The following RBFOX1 variants were observed in gnomAD, a reference collection of about 807,000 sequenced individuals.
RBFOX1 encodes RNA binding protein fox-1 homolog 1.
Under a neutral mutation model 57.7 loss-of-function variants are expected in RBFOX1, and 8 were observed. The ratio of observed to expected loss-of-function variants is 0.14; its 90% CI spans 0.08 to 0.25. The LOEUF (loss-of-function observed/expected upper bound fraction) is 0.25, where lower values mean the gene tolerates loss of function less well. RBFOX1 is among the 10% of genes least tolerant of loss of function. The probability of loss-of-function intolerance (pLI) is 1.00; values close to 1 mark genes in which losing one functional copy is unlikely to be tolerated. For missense variants in RBFOX1, 611 were observed against 548.5 expected, an observed-to-expected ratio of 1.11 and a Z score of -1.14; for synonymous variants, 326 against 222.4, an observed-to-expected ratio of 1.47 and a Z score of -4.15.
At chr16:7,110,870 C>G (rs780294394) in intron 4 of RBFOX1, among the ~76,000 whole-genome samples, 1 of 152,118 alleles carries the variant, frequency 6.6e-6, no homozygotes, top group Non-Finnish European at 1.5e-5. Flanking sequence ...GTGTTCCCTC[C>G]CATCCCAGGG....
chr16:7,125,777 G>A (rs2169851), intron 4 of RBFOX1, among the ~76,000 whole-genome samples: 50,178 of 151,790 alleles, frequency 0.33, 8,939 homozygotes, highest in African/African-American at 0.48. Flanking sequence ...GACTGCAAAC[G>A]ATTAAGGTTT....
chr16:5,676,444 C>G (rs1472868911), intron 3 of RBFOX1, among the ~76,000 whole-genome samples: 2 of 152,170 alleles, frequency 1.3e-5, no homozygotes, highest in East Asian at 3.8e-4. Flanking sequence ...TCTCACATCT[C>G]CCTCTCACTA....
intron 4 of RBFOX1, among the ~76,000 whole-genome samples, chr16:7,080,877 A>G (rs534164361): frequency 6.6e-6 from 1 of 152,274 alleles, no homozygotes; most frequent in African/African-American, 2.4e-5. Context: ...GGAGCCTTTG[A>G]AATAAGTCAT....
chr16:5,316,116 C>A (rs568925503), intron 1 of RBFOX1, among the ~76,000 whole-genome samples: 121 of 152,350 alleles, frequency 7.9e-4, no homozygotes, highest in African/African-American at 2.7e-3. Context: ...TGCCACAGGG[C>A]CTTTGCATGT....
intron 2 of RBFOX1, among the ~76,000 whole-genome samples, chr16:6,534,909 G>A (rs935229240): frequency 1.4e-4 from 21 of 152,172 alleles, no homozygotes; most frequent in Admixed American, 5.2e-4. Context: ...TAGTGGTCAA[G>A]CCTGGTCATA....
At position 5,770,373 on chromosome 16, in the gene RBFOX1, T is replaced by A. The variant is rs183305150; in HGVS notation, c.319-96930T>A. 5.3e-5 allele frequency among the ~76,000 whole-genome samples: 8 copies of A among 152,310 alleles called. No homozygotes were observed. In the East Asian group the frequency reaches 1.5e-3, roughly 29 times the overall value. Reference sequence around the variant, plus strand: ...AGCCGTTCCCATCAGTGACATAAGTTTACAAATGCCATGGTAACACCTGGA... The same window carrying A: ...AGCCGTTCCCATCAGTGACATAAGTATACAAATGCCATGGTAACACCTGGA... On this transcript the variant is annotated intron_variant, in intron 3 of 19. Coordinates refer to the RBFOX1 transcript ENST00000641259.
intron 1 of RBFOX1, among the ~76,000 whole-genome samples, chr16:5,329,881 AGTGAT>A (rs1238728596): frequency 6.6e-6 from 1 of 151,456 alleles, no homozygotes; most frequent in South Asian, 2.1e-4. Flanking sequence ...AGGCACCTGT[AGTGAT>A]GTGATGTGAT....
chr16:5,511,503 A>C (rs1186856264), intron 2 of RBFOX1, among the ~76,000 whole-genome samples: 1 of 152,206 alleles, frequency 6.6e-6, no homozygotes, highest in Non-Finnish European at 1.5e-5. Context: ...GAAGAACAAC[A>C]CTAATCACTT....
At chr16:5,713,168 A>G (rs149636774) in intron 3 of RBFOX1, among the ~76,000 whole-genome samples, 2 of 152,330 alleles carry the variant, frequency 1.3e-5, no homozygotes, top group South Asian at 2.1e-4. Flanking sequence ...TGTTCTGTGT[A>G]ATCATACTGT....
intron 3 of RBFOX1, among the ~76,000 whole-genome samples, chr16:6,741,555 G>A (rs1158953386): frequency 6.6e-6 from 1 of 151,882 alleles, no homozygotes; most frequent in African/African-American, 2.4e-5. Context: ...TGTAATCCCA[G>A]CTACTTGGGA....
chr16:6,114,783 G>T (rs1041081673), intron 1 of RBFOX1, among the ~76,000 whole-genome samples: 2 of 152,114 alleles, frequency 1.3e-5, no homozygotes, highest in African/African-American at 4.8e-5. Flanking sequence ...AGGATTATTG[G>T]CTTCACCTGC....
intron 2 of RBFOX1, among the ~76,000 whole-genome samples, chr16:6,413,133 A>G (rs2093515789): frequency 6.6e-6 from 1 of 152,104 alleles, no homozygotes; most frequent in Non-Finnish European, 1.5e-5. Flanking sequence ...CAGCCTAACC[A>G]ACATGGAGAA....
intron 3 of RBFOX1, among the ~76,000 whole-genome samples, chr16:7,009,946 G>C (rs1282153770): frequency 6.6e-6 from 1 of 151,994 alleles, no homozygotes; most frequent in Admixed American, 6.6e-5. Flanking sequence ...TGGCTACAAG[G>C]AAAAAGGGTC....
chr16:7,056,626 G>A lies in RBFOX1; in HGVS notation c.27+4528G>A, dbSNP rs578236412. 4.3e-4 allele frequency among the ~76,000 whole-genome samples: 65 copies of A among 152,282 alleles called. No homozygotes were observed. The South Asian group carries it at 5.2e-3, about 12-fold the overall frequency. ...TGTTGTTTCCCTGAACTATCTACCA[G>A]TTGAGGGAGATTGTATGTTCATAGG... On this transcript the variant is annotated intron_variant, in intron 4 of 15. Transcript: ENST00000550418.
chr16:5,937,375 C>T (rs2059187846), intron 4 of RBFOX1, among the ~76,000 whole-genome samples: 1 of 152,118 alleles, frequency 6.6e-6, no homozygotes, highest in Non-Finnish European at 1.5e-5. Flanking sequence ...AAGCAAATGC[C>T]ATGGTTTACA....
At chr16:7,694,243 T>G (rs2078092647) in intron 14 of RBFOX1, among the ~76,000 whole-genome samples, 1 of 152,208 alleles carries the variant, frequency 6.6e-6, no homozygotes, top group African/African-American at 2.4e-5. Flanking sequence ...ACTACATAAC[T>G]GAGCATCCCA....
intron 2 of RBFOX1, among the ~76,000 whole-genome samples, chr16:6,618,198 C>G: frequency 6.6e-6 from 1 of 152,170 alleles, no homozygotes; most frequent in South Asian, 2.1e-4. Context: ...CCTCCCAGCA[C>G]CCTGCCTAGT....
intron 3 of RBFOX1, among the ~76,000 whole-genome samples, chr16:5,661,648 G>T (rs1435998703): frequency 6.6e-6 from 1 of 152,140 alleles, no homozygotes; most frequent in Non-Finnish European, 1.5e-5. Context: ...AAATTAACAC[G>T]TTGGTCCTCA....
chr16:6,616,412 C>G (rs1454827279), intron 2 of RBFOX1, among the ~76,000 whole-genome samples: 1 of 151,410 alleles, frequency 6.6e-6, no homozygotes, highest in East Asian at 2.0e-4. Context: ...CGTGATGGCT[C>G]ACGCCTGTAA....
Sources: gnomAD v4.1 joint callset for allele counts (sites outside exome capture counted in the v4.1 genomes callset) on GRCh38, gnomAD v4.1.1 for gene constraint, MANE v1.5 for transcripts, NCBI Gene and HGNC (gene_info 2026-07-23, HGNC 2026-07-21) for gene names.